ZNF423: variants seen among roughly 807,000 people sequenced by gnomAD.
ZNF423 encodes the protein Ebf-associated zinc finger protein.
In ZNF423, 12 loss-of-function variants were observed where a neutral mutation model predicts 95.8. That is an observed-to-expected ratio of 0.13 (90% CI 0.08 to 0.20). The LOEUF (loss-of-function observed/expected upper bound fraction) is 0.20, where lower values mean the gene tolerates loss of function less well. ZNF423 is among the 10% of genes least tolerant of loss of function. The pLI is 1.00. For missense variants in ZNF423, 1,316 were observed against 1,737.1 expected, an observed-to-expected ratio of 0.76 and a Z score of 4.31; for synonymous variants, 749 against 711.9, an observed-to-expected ratio of 1.05 and a Z score of -0.83.
At chr16:49,627,825 C>T (rs1255323035) in intron 4 of ZNF423, among the ~76,000 whole-genome samples, 4 of 147,158 alleles carry the variant, frequency 2.7e-5, no homozygotes, top group Admixed American at 2.7e-4. Context: ...CATTTACATA[C>T]ACACCCATCC....
At chr16:49,752,180 G>A (rs114185256) in intron 2 of ZNF423, among the ~76,000 whole-genome samples, 4,087 of 152,348 alleles carry the variant, frequency 0.027, 199 homozygotes, top group African/African-American at 0.095. Flanking sequence ...CACTGTGCCC[G>A]TGACGTGGCC....
intron 7 of ZNF423, among the ~76,000 whole-genome samples, chr16:49,518,808 ACT>A (rs1400858705): frequency 6.6e-6 from 1 of 152,162 alleles, no homozygotes; most frequent in Non-Finnish European, 1.5e-5. Context: ...TAATCCCAAC[ACT>A]CTGGGAAGCC....
chr16:49,820,342 T>C (rs566724111), intron 1 of ZNF423, among the ~76,000 whole-genome samples: 3 of 152,320 alleles, frequency 2.0e-5, no homozygotes, highest in East Asian at 3.9e-4. Flanking sequence ...TGGATAACCA[T>C]GTCCTGCTTA....
intron 2 of ZNF423, among the ~76,000 whole-genome samples, chr16:49,760,127 G>A (rs2033801187): frequency 1.0e-5 from 1 of 97,934 alleles, no homozygotes; most frequent in Non-Finnish European, 1.9e-5. Flanking sequence ...GTGGGTGGAT[G>A]AATGGGTGGA....
At chr16:49,514,436 G>A (rs1051455004) in intron 7 of ZNF423, among the ~76,000 whole-genome samples, 8 of 151,998 alleles carry the variant, frequency 5.3e-5, no homozygotes, top group Non-Finnish European at 7.4e-5. Context: ...AGGTGGTGCC[G>A]GGAGTAGGTA....
intron 5 of ZNF423, among the ~76,000 whole-genome samples, chr16:49,604,050 G>A (rs370647138): frequency 2.0e-5 from 3 of 152,258 alleles, no homozygotes; most frequent in South Asian, 2.1e-4. Context: ...GTACGATACC[G>A]GTGTCTGAGC....
At chr16:49,727,308 T>G (rs1200394392) in intron 3 of ZNF423, among the ~76,000 whole-genome samples, 1 of 152,162 alleles carries the variant, frequency 6.6e-6, no homozygotes, top group Non-Finnish European at 1.5e-5. Flanking sequence ...TGAAGGCTCC[T>G]TAGCACAGAG....
chr16:49,736,805 A>G (rs2033297182), intron 2 of ZNF423, among the ~76,000 whole-genome samples: 1 of 152,126 alleles, frequency 6.6e-6, no homozygotes, highest in Admixed American at 6.5e-5. Flanking sequence ...AATAAAGTAA[A>G]AGTAGTGAAT....
At chr16:49,718,050 G>A (rs538039893) in intron 3 of ZNF423, among the ~76,000 whole-genome samples, 1 of 152,266 alleles carries the variant, frequency 6.6e-6, no homozygotes, top group South Asian at 2.1e-4. Context: ...GGCAGGAACT[G>A]TTGTCTGTTT....
intron 5 of ZNF423, among the ~76,000 whole-genome samples, chr16:49,554,864 G>A (rs973116039): frequency 1.3e-5 from 2 of 152,042 alleles, no homozygotes; most frequent in Non-Finnish European, 2.9e-5. Context: ...CAGGACAAAA[G>A]CACCTGGCAC....
chr16:49,641,896 G>T (rs1861657), intron 3 of ZNF423, among the ~76,000 whole-genome samples: 85,183 of 152,100 alleles, frequency 0.56, 26,841 homozygotes, highest in African/African-American at 0.88. Context: ...TCTGACATGA[G>T]GGAAATGGTC....
chr16:49,671,168 T>C (rs76190398), intron 3 of ZNF423, among the ~76,000 whole-genome samples: 347 of 152,292 alleles, frequency 2.3e-3, no homozygotes, highest in Middle Eastern at 3.4e-3. Context: ...CTGTGCCTGG[T>C]CACCCAGGGG....
At chr16:49,660,607 C>T (rs1418446650) in intron 3 of ZNF423, among the ~76,000 whole-genome samples, 1 of 152,100 alleles carries the variant, frequency 6.6e-6, no homozygotes, top group Non-Finnish European at 1.5e-5. Context: ...CAAGGTCCCT[C>T]GGGCCCCCTC....
In ZNF423 at chr16:49,719,965, G is replaced by A. The variant is rs547912605; in HGVS notation, c.301+10806C>T. 6.0e-3 allele frequency among the ~76,000 whole-genome samples: 914 copies of A among 152,248 alleles called. 3 individuals are homozygous for A. The highest frequency in any genetic ancestry group is 9.8e-3 in the Non-Finnish European group (669 of 68,024). ...CTGAGCCACTCAGGCTCAAGGCTCC[G>A]ACTAACTTGGTGGCTGCCCAGCCTC... is the stretch of plus-strand genomic sequence containing the variant. On this transcript the variant is annotated intron_variant, in intron 3 of 7. Transcript: ENST00000563137.
intron 2 of ZNF423, among the ~76,000 whole-genome samples, chr16:49,786,232 A>G (rs985858950): frequency 5.3e-5 from 8 of 152,170 alleles, no homozygotes; most frequent in Non-Finnish European, 1.2e-4. Context: ...CATCACTGTC[A>G]GGGCCCCCGC....
chr16:49,681,094 C>T lies in ZNF423; in HGVS notation c.302-42220G>A, dbSNP rs533198877. ...CCTTTCCAAGTAGGAGACCAACAGG[C>T]TCGCCCAAACTCGACAGTCAGGGAT... On this transcript the variant is annotated intron_variant, in intron 3 of 7. Coordinates refer to ENST00000563137, the MANE Select transcript of ZNF423 (RefSeq NM_001379286.1). Among the ~76,000 whole-genome samples the T allele has an allele frequency of 2.0e-5, 3 of 152,316 alleles. No homozygotes were observed. The South Asian group carries it at 6.2e-4, about 32-fold the overall frequency.
At chr16:49,690,953 G>A (rs566455049) in intron 3 of ZNF423, among the ~76,000 whole-genome samples, 4 of 152,306 alleles carry the variant, frequency 2.6e-5, no homozygotes, top group South Asian at 4.1e-4. Flanking sequence ...CGCAGGCCTG[G>A]GGAGCGTGTG....
At chr16:49,803,368 G>C (rs1352356903) in intron 1 of ZNF423, among the ~76,000 whole-genome samples, 1 of 152,144 alleles carries the variant, frequency 6.6e-6, no homozygotes, top group Non-Finnish European at 1.5e-5. Context: ...GGATAGCCAG[G>C]CTATTTCCAG....
intron 5 of ZNF423, among the ~76,000 whole-genome samples, chr16:49,578,169 G>C (rs576799683): frequency 2.0e-5 from 3 of 152,312 alleles, no homozygotes; most frequent in Non-Finnish European, 4.4e-5. Flanking sequence ...CCCCAAGACA[G>C]GACGGGAATC....
Sources: gnomAD v4.1 joint callset for allele counts (sites outside exome capture counted in the v4.1 genomes callset) on GRCh38, gnomAD v4.1.1 for gene constraint, MANE v1.5 for transcripts, NCBI Gene and HGNC (gene_info 2026-07-23, HGNC 2026-07-21) for gene names.